TNRC6A: variants seen among roughly 807,000 people sequenced by gnomAD.
TNRC6A encodes the protein trinucleotide repeat-containing gene 6A protein.
TNRC6A carries 44 observed loss-of-function variants against 221.2 expected under a neutral mutation model. That is an observed-to-expected ratio of 0.20 (90% CI 0.16 to 0.26). The LOEUF (loss-of-function observed/expected upper bound fraction) is 0.26. Ranked by LOEUF, TNRC6A falls within the 10% of genes least tolerant of loss-of-function variation. The pLI, the probability that TNRC6A is intolerant of heterozygous loss-of-function variation, is 1.00. For synonymous variants in TNRC6A, 847 were observed against 838.5 expected, an observed-to-expected ratio of 1.01 and a Z score of -0.18; for missense variants, 2,199 against 2,404.4, an observed-to-expected ratio of 0.91 and a Z score of 1.79.
At chr16:24,662,480 C>A in intron 2 of TNRC6A, 1 of 148,634 alleles carries the variant, frequency 6.7e-6, no homozygotes, top group African/African-American at 2.6e-5. Context: ...CAAGACCCTG[C>A]CTCAGAAAAA....
At chr16:24,788,713 A>G (rs2058027890) in intron 5 of TNRC6A, among the ~76,000 whole-genome samples, 1 of 144,674 alleles carries the variant, frequency 6.9e-6, no homozygotes, top group Admixed American at 7.2e-5. Context: ...CAGTGGCACT[A>G]TCTCCGCTCA....
chr16:24,623,262 G>A (rs905410757), intron 1 of TNRC6A, among the ~76,000 whole-genome samples: 2 of 151,426 alleles, frequency 1.3e-5, no homozygotes, highest in Admixed American at 1.3e-4. Context: ...GCCGTGGTGC[G>A]ATCTCGGCTC....
intron 1 of TNRC6A, among the ~76,000 whole-genome samples, chr16:24,638,839 A>C (rs1901776977): frequency 6.6e-6 from 1 of 152,180 alleles, no homozygotes. Context: ...TTCTACTGTC[A>C]TTTTCCTGTT....
chr16:24,788,272 T>G (rs910768749), intron 5 of TNRC6A, among the ~76,000 whole-genome samples: 1 of 152,240 alleles, frequency 6.6e-6, no homozygotes, highest in South Asian at 2.1e-4. Context: ...ACCATTACTT[T>G]TCTGTTCTTT....
At chr16:24,777,776 G>A (rs1248717842) in intron 5 of TNRC6A, among the ~76,000 whole-genome samples, 1 of 152,074 alleles carries the variant, frequency 6.6e-6, no homozygotes, top group East Asian at 1.9e-4. Flanking sequence ...TAAATAACTT[G>A]CCCAGGCTCA....
At chr16:24,739,545 C>T (rs2056847997) in intron 2 of TNRC6A, among the ~76,000 whole-genome samples, 1 of 136,680 alleles carries the variant, frequency 7.3e-6, no homozygotes, top group Non-Finnish European at 1.5e-5. Flanking sequence ...GTGGCATGAT[C>T]TCAGCTCACT....
At chr16:24,727,029 T>TA (rs1384971538), upstream of TNRC6A, among the ~76,000 whole-genome samples, 1 of 151,590 alleles carries the variant, frequency 6.6e-6, no homozygotes, top group Non-Finnish European at 1.5e-5. Flanking sequence ...TCACATCTTT[T>TA]TTTTTTTTTT....
chr16:24,807,965 G>T (rs2058469145), intron 17 of TNRC6A, among the ~76,000 whole-genome samples: 1 of 152,202 alleles, frequency 6.6e-6, no homozygotes, highest in South Asian at 2.1e-4. Flanking sequence ...GTTTGGCTCA[G>T]CCTGGTATTA....
chr16:24,649,971 G>A, intron 2 of TNRC6A, among the ~76,000 whole-genome samples: 1 of 151,460 alleles, frequency 6.6e-6, no homozygotes, highest in East Asian at 1.9e-4. Context: ...TTACAGGCAT[G>A]CGCAACCAAG....
chr16:24,678,819 T>C (rs576563528), intron 2 of TNRC6A, among the ~76,000 whole-genome samples: 1 of 152,280 alleles, frequency 6.6e-6, no homozygotes, highest in South Asian at 2.1e-4. Context: ...TGCTGAGTTC[T>C]GGGGAAAATT....
At position 24,777,128 on chromosome 16, in the gene TNRC6A, A is replaced by C. The variant is rs200056113; in HGVS notation, c.359A>C (p.Gln120Pro). Residue 120 changes from glutamine (Q) to proline (P), a missense_variant, in exon 5 of 25, where the codon CAG becomes CCG. Physicochemically the swap from Gln to Pro is moderately conservative, Grantham distance 76. Coordinates refer to ENST00000395799, the MANE Select transcript of TNRC6A (RefSeq NM_014494.4). ...CAGCCACAGCCGCAGCCGCAGCAGC[A>C]GCAGCCACAGCAGCAGCCACAGGCC... Reference protein sequence around the residue: ...QQQPQPQPQQQQPQQQPQALP... With the variant: ...QQQPQPQPQQPQPQQQPQALP... The C allele has an allele frequency of 6.2e-7, 1 of 1,611,974 alleles. No homozygotes were observed. The highest frequency in any genetic ancestry group is 2.2e-5 in the East Asian group (1 of 44,506).
At chr16:24,645,859 A>AAAAAAAAAAG (rs1902257561) in intron 2 of TNRC6A, among the ~76,000 whole-genome samples, 3 of 143,012 alleles carry the variant, frequency 2.1e-5, no homozygotes, top group Non-Finnish European at 4.5e-5. Context: ...AAAAAAAAAA[A>AAAAAAAAAAG]AAAAAAAATT....
intron 1 of TNRC6A, among the ~76,000 whole-genome samples, chr16:24,612,401 C>T (rs1596531440): frequency 6.6e-6 from 1 of 152,010 alleles, no homozygotes; most frequent in East Asian, 1.9e-4. Context: ...GGATTTAAGC[C>T]CAAGCAGTTT....
At chr16:24,651,318 C>A (rs1193460154) in intron 2 of TNRC6A, among the ~76,000 whole-genome samples, 1 of 151,798 alleles carries the variant, frequency 6.6e-6, no homozygotes. Flanking sequence ...TCAGGCAGAT[C>A]ACCTGAGGTT....
rs1338625151 is a variant in TNRC6A, at chr16:24,793,572, G to C, written c.3275G>C (p.Gly1092Ala). The C allele has an allele frequency of 1.3e-6, 2 of 1,571,138 alleles. No individual in the cohort carries two copies. The highest frequency in any genetic ancestry group is 1.7e-6 in the Non-Finnish European group (2 of 1,157,766). The change falls in exon 7 of 25, where the codon GGG (glycine) becomes GCG (alanine). Residue 1092 changes from glycine to alanine, a missense_variant. By Grantham distance (60) the Gly-to-Ala change is moderately conservative (BLOSUM62 0). Transcript: ENST00000395799. Reference sequence around the variant, plus strand: ...CCCATAGACAGTGGTCCCAGCTGGGGGGAACCCATTGCTGCGGCATCCAGC... The same window carrying C: ...CCCATAGACAGTGGTCCCAGCTGGGCGGAACCCATTGCTGCGGCATCCAGC... The part of the protein sequence containing the change: ...GKPIDSGPSW[G>A]EPIAAASSTS...
chr16:24,744,531 G>A (rs913980827), intron 2 of TNRC6A, among the ~76,000 whole-genome samples: 1 of 152,030 alleles, frequency 6.6e-6, no homozygotes, highest in Non-Finnish European at 1.5e-5. Flanking sequence ...TGGACCCATG[G>A]GTTCTTATTT....
intron 2 of TNRC6A, among the ~76,000 whole-genome samples, chr16:24,698,806 G>A (rs1480864872): frequency 6.6e-6 from 1 of 152,164 alleles, no homozygotes; most frequent in African/African-American, 2.4e-5. Context: ...TGCCTCCTGG[G>A]TTCAAGCGAT....
chr16:24,706,969 A>G (rs1171953511), intron 2 of TNRC6A, among the ~76,000 whole-genome samples: 1 of 141,614 alleles, frequency 7.1e-6, no homozygotes, highest in Non-Finnish European at 1.5e-5. Flanking sequence ...GTATTTATTT[A>G]TTTATCTATT....
At chr16:24,748,115 AC>A (rs1385527179) in intron 2 of TNRC6A, among the ~76,000 whole-genome samples, 1 of 152,202 alleles carries the variant, frequency 6.6e-6, no homozygotes, top group Non-Finnish European at 1.5e-5. Context: ...TTGAGTGCTT[AC>A]TAGATAAGCT....
Sources: allele counts gnomAD v4.1 joint callset (sites outside exome capture counted in the v4.1 genomes callset), GRCh38; gene constraint gnomAD v4.1.1; transcripts MANE v1.5; gene names NCBI Gene and HGNC (gene_info 2026-07-23, HGNC 2026-07-21).